Variants in TMEM117 observed in about 807,000 individuals in gnomAD.
TMEM117 encodes the protein transmembrane protein 117.
In TMEM117, 27 loss-of-function variants were observed where a neutral mutation model predicts 52.4. The observed-to-expected ratio is 0.51, with a 90% CI of 0.38 to 0.71. TMEM117 has a LOEUF of 0.71. Ranked by LOEUF, TMEM117 falls within the 30% of genes least tolerant of loss-of-function variation. TMEM117 has a pLI of 0.00. For missense variants in TMEM117, 556 were observed against 630.5 expected, an observed-to-expected ratio of 0.88 and a Z score of 1.26; for synonymous variants, 215 against 206.3, an observed-to-expected ratio of 1.04 and a Z score of -0.36.
chr12:43,899,592 A>G (rs116867880), intron 2 of TMEM117, among the ~76,000 whole-genome samples: 1 of 151,858 alleles, frequency 6.6e-6, no homozygotes, highest in Non-Finnish European at 1.5e-5. Flanking sequence ...TTCAATTAAC[A>G]GAAGATCTTT....
At chr12:44,398,379 A>G in the TMEM117 span, among the ~76,000 whole-genome samples, 2 of 152,148 alleles carry the variant, frequency 1.3e-5, no homozygotes, top group Non-Finnish European at 2.9e-5. Flanking sequence ...AGTTTGAAGC[A>G]GGAAGCATTC....
chr12:44,230,244 G>A (rs563985697), intron 5 of TMEM117, among the ~76,000 whole-genome samples: 2 of 151,996 alleles, frequency 1.3e-5, no homozygotes, highest in African/African-American at 2.4e-5. Context: ...CTGACCCCTC[G>A]ATATTTTCTA....
At chr12:43,806,389 G>A in the TMEM117 span, 5 of 1,186,748 alleles carry the variant, frequency 4.2e-6, no homozygotes, top group Non-Finnish European at 5.2e-6. Flanking sequence ...GAGGTTGACT[G>A]AGTGCCCGAG....
chr12:44,152,529 T>A (rs1224549503), intron 4 of TMEM117, among the ~76,000 whole-genome samples: 1 of 118,972 alleles, frequency 8.4e-6, no homozygotes, highest in Non-Finnish European at 1.6e-5. Context: ...TATATATATA[T>A]TTATATCATA....
the TMEM117 span, among the ~76,000 whole-genome samples, chr12:43,819,113 G>T: frequency 6.6e-6 from 1 of 152,160 alleles, no homozygotes; most frequent in Admixed American, 6.5e-5. Context: ...CAAATACATG[G>T]CGGAGGGGAG....
rs950353104 is a variant in TMEM117 at position 44,361,831 on chromosome 12, G to A, written c.769-14764G>A. On this transcript the variant is annotated intron_variant, in intron 6 of 7. Coordinates refer to ENST00000266534, the MANE Select transcript of TMEM117 (RefSeq NM_032256.3). ...ATTGTGATAGGGGAGTGATAGATAG[G>A]CATGGCCATACAGGTTAACTGAGAA... Among the ~76,000 whole-genome samples, 14 of 152,216 alleles carry A rather than the reference G, an allele frequency of 9.2e-5. No individual in the cohort carries two copies. The East Asian group carries it at 1.5e-3, about 17-fold the overall frequency.
intron 3 of TMEM117, among the ~76,000 whole-genome samples, chr12:44,089,782 A>G (rs2138039014): frequency 6.6e-6 from 1 of 152,320 alleles, no homozygotes; most frequent in Non-Finnish European, 1.5e-5. Flanking sequence ...TCTTAAAGAC[A>G]GTAAGTATTT....
At chr12:44,262,330 A>AAAAC (rs1385377575) in intron 5 of TMEM117, among the ~76,000 whole-genome samples, 4 of 152,204 alleles carry the variant, frequency 2.6e-5, no homozygotes. Context: ...ATATAGCAAG[A>AAAAC]AAACTTTATT....
At chr12:43,805,428 G>C in the TMEM117 span, 2 of 387,540 alleles carry the variant, frequency 5.2e-6, no homozygotes, top group Non-Finnish European at 1.0e-5. Context: ...AGAAAGACTC[G>C]CTATTAACAG....
chr12:43,841,831 G>A (rs1943120573), intron 1 of TMEM117, among the ~76,000 whole-genome samples: 1 of 152,034 alleles, frequency 6.6e-6, no homozygotes, highest in Non-Finnish European at 1.5e-5. Flanking sequence ...AAAATGAAGT[G>A]ATAGGAATGA....
chr12:43,919,952 C>A (rs1944664703), intron 2 of TMEM117, among the ~76,000 whole-genome samples: 1 of 151,692 alleles, frequency 6.6e-6, no homozygotes, highest in South Asian at 2.1e-4. Flanking sequence ...ATCTCTAGGT[C>A]CAGCATCACT....
chr12:43,989,292 C>A (rs1945898898), intron 3 of TMEM117, among the ~76,000 whole-genome samples: 1 of 152,058 alleles, frequency 6.6e-6, no homozygotes, highest in Non-Finnish European at 1.5e-5. Context: ...TTATTCATTG[C>A]TTTCTAGTCA....
chr12:43,873,260 A>G (rs1050197842), intron 2 of TMEM117, among the ~76,000 whole-genome samples: 1 of 147,666 alleles, frequency 6.8e-6, no homozygotes, highest in Non-Finnish European at 1.5e-5. Flanking sequence ...TTCTTCTAAT[A>G]GGGTTAGTAG....
chr12:44,297,806 A>G (rs1172785613), intron 5 of TMEM117, among the ~76,000 whole-genome samples: 1 of 152,148 alleles, frequency 6.6e-6, no homozygotes, highest in Admixed American at 6.5e-5. Flanking sequence ...ACCTGGAGAA[A>G]ATTTTGCTTA....
chr12:44,019,540 C>A (rs992360500), intron 3 of TMEM117, among the ~76,000 whole-genome samples: 3 of 152,140 alleles, frequency 2.0e-5, no homozygotes, highest in African/African-American at 7.2e-5. Context: ...TCCTCCTCAT[C>A]TTCCTCTTTC....
chr12:44,368,170 C>T (rs1425310305), intron 6 of TMEM117, among the ~76,000 whole-genome samples: 1 of 152,088 alleles, frequency 6.6e-6, no homozygotes, highest in Non-Finnish European at 1.5e-5. Context: ...CAAAGGTCAT[C>T]TTCAGAGAAG....
At chr12:44,348,831 G>A (rs1800662670) in intron 6 of TMEM117, among the ~76,000 whole-genome samples, 3 of 151,828 alleles carry the variant, frequency 2.0e-5, no homozygotes, top group African/African-American at 7.3e-5. Context: ...ATTAGAACGG[G>A]CCCCTTTTCC....
Position 44,067,405 on chromosome 12 carries a change from C to T in TMEM117, c.411-76120C>T, listed in dbSNP as rs144411854. On this transcript the variant is annotated intron_variant, in intron 3 of 7. Transcript: ENST00000266534. ...GAATCACTATCTATGGCTGCTATAGCCTTATGAAATGTCTGTCGTAAATAA... is the reference window on the plus strand; with the variant it reads ...GAATCACTATCTATGGCTGCTATAGTCTTATGAAATGTCTGTCGTAAATAA... 1.4e-3 allele frequency among the ~76,000 whole-genome samples: 216 copies of T among 152,196 alleles called. 3 individuals are homozygous for T. In the East Asian group the frequency reaches 0.025, roughly 18 times the overall value.
intron 3 of TMEM117, among the ~76,000 whole-genome samples, chr12:44,029,220 G>A (rs1315193143): frequency 6.6e-6 from 1 of 152,122 alleles, no homozygotes; most frequent in Non-Finnish European, 1.5e-5. Flanking sequence ...AAGATTTAGG[G>A]GGTTAGAGAC....
Sources: allele counts gnomAD v4.1 joint callset (sites outside exome capture counted in the v4.1 genomes callset), GRCh38; gene constraint gnomAD v4.1.1; transcripts MANE v1.5; gene names NCBI Gene and HGNC (gene_info 2026-07-23, HGNC 2026-07-21).